Variants in SLC14A2 observed in about 807,000 individuals in gnomAD.
The protein encoded by SLC14A2 is urea transporter 2.
In SLC14A2, 91 loss-of-function variants were observed where a neutral mutation model predicts 104.6. The ratio of observed to expected loss-of-function variants is 0.87; its 90% CI spans 0.73 to 1.04. SLC14A2 has a LOEUF of 1.04. Ranked by LOEUF, SLC14A2 falls within the 50% of genes least tolerant of loss-of-function variation. SLC14A2 has a pLI of 0.00. For synonymous variants in SLC14A2, 476 were observed against 466.4 expected, an observed-to-expected ratio of 1.02 and a Z score of -0.27; for missense variants, 1,189 against 1,156.0, an observed-to-expected ratio of 1.03 and a Z score of -0.41.
At chr18:45,405,703 G>A (rs537609519) in intron 1 of SLC14A2, among the ~76,000 whole-genome samples, 1 of 152,142 alleles carries the variant, frequency 6.6e-6, no homozygotes, top group South Asian at 2.1e-4. Flanking sequence ...AGGAGTTTGA[G>A]ACCAGCCTCA....
chr18:45,618,384 T>A (rs943228480), intron 1 of SLC14A2, among the ~76,000 whole-genome samples: 23 of 152,052 alleles, frequency 1.5e-4, no homozygotes, highest in Non-Finnish European at 2.8e-4. Flanking sequence ...GAAGATGAAG[T>A]AAGGCCAGGC....
chr18:45,663,830 A>G lies in SLC14A2; in HGVS notation c.1397A>G (p.Glu466Gly). ...HPPTAGPKVE[E>G]GSEAVLSKHR... ...CCCACAGCAGGCCCAAAGGTGGAGG[A>G]GGGCTCGGAGGCTGTGCTCTCCAAG... The change falls in exon 11 of 20, where the codon GAG becomes GGG. Residue 466 changes from glutamate to glycine, a missense_variant. Physicochemically the swap from Glu to Gly is moderately conservative, Grantham distance 98 (BLOSUM62 -2). Transcript: ENST00000255226. 6.2e-7 allele frequency: 1 copy of G among 1,613,216 alleles called. No homozygotes were observed. The highest frequency in any genetic ancestry group is 8.5e-7 in the Non-Finnish European group (1 of 1,179,844).
At chr18:45,286,663 C>T (rs1449556737) in intron 1 of SLC14A2, among the ~76,000 whole-genome samples, 5 of 152,030 alleles carry the variant, frequency 3.3e-5, no homozygotes, top group African/African-American at 1.2e-4. Context: ...TTATAATTGA[C>T]ATTCACAGTT....
At chr18:45,427,067 A>G (rs2086444107) in intron 1 of SLC14A2, among the ~76,000 whole-genome samples, 2 of 152,066 alleles carry the variant, frequency 1.3e-5, no homozygotes. Context: ...GTTAACAGTG[A>G]CCCAGTCATT....
At chr18:45,178,675 A>G in the SLC14A2 span, among the ~76,000 whole-genome samples, 2 of 152,238 alleles carry the variant, frequency 1.3e-5, no homozygotes, top group African/African-American at 4.8e-5. Context: ...GTGCTAAAAC[A>G]TCACCATAAG....
At chr18:45,569,752 A>G (rs1197713257) in intron 2 of SLC14A2, among the ~76,000 whole-genome samples, 3 of 152,172 alleles carry the variant, frequency 2.0e-5, no homozygotes, top group African/African-American at 7.2e-5. Context: ...GTCCACACCG[A>G]TAACCACTCC....
Position 45,567,055 on chromosome 18 carries a change from A to AGTGTGTGTGTGT in SLC14A2, c.-34-57543_-34-57532dup, listed in dbSNP as rs3058364. ...TCTATAGCTGAGGACATGTGCACAT[A>AGTGTGTGTGTGT]GTGTGTGTGTGTGTGTGTGTGTGTG... is the stretch of plus-strand genomic sequence containing the variant. On this transcript the variant is annotated intron_variant, in intron 2 of 20. Transcript: ENST00000586448. Among the ~76,000 whole-genome samples, 1,303 of 139,868 alleles carry AGTGTGTGTGTGT rather than the reference A, an allele frequency of 9.3e-3. 22 individuals are homozygous for AGTGTGTGTGTGT. Among genetic ancestry groups the AGTGTGTGTGTGT allele is most frequent in the East Asian group, 0.058 (257 of 4,466 alleles). The allele number at this position is 139,868 out of a possible 152,430, so 91.8% of individuals were successfully genotyped here.
chr18:45,365,235 A>G (rs1231471132), intron 1 of SLC14A2, among the ~76,000 whole-genome samples: 1 of 152,214 alleles, frequency 6.6e-6, no homozygotes, highest in Non-Finnish European at 1.5e-5. Context: ...ATAGGTCCCA[A>G]TTCTGCCTTT....
At chr18:45,547,326 C>T (rs892220071) in intron 2 of SLC14A2, among the ~76,000 whole-genome samples, 3 of 152,194 alleles carry the variant, frequency 2.0e-5, no homozygotes, top group Non-Finnish European at 4.4e-5. Context: ...TCATTTAAAG[C>T]CTGACATTGT....
chr18:45,574,945 T>C (rs1162181675), intron 2 of SLC14A2, among the ~76,000 whole-genome samples: 1 of 152,162 alleles, frequency 6.6e-6, no homozygotes. Context: ...CTTCAAGTCC[T>C]GAAATGTACA....
chr18:45,405,275 A>T (rs1004734479), intron 1 of SLC14A2, among the ~76,000 whole-genome samples: 1 of 152,186 alleles, frequency 6.6e-6, no homozygotes, highest in Non-Finnish European at 1.5e-5. Context: ...CACAGGGAAA[A>T]GAACAGAGCA....
chr18:45,523,154 G>A (rs1173539708), intron 2 of SLC14A2, among the ~76,000 whole-genome samples: 1 of 150,792 alleles, frequency 6.6e-6, no homozygotes, highest in Non-Finnish European at 1.5e-5. Flanking sequence ...TTTGAGAAAA[G>A]GATTAAATAA....
chr18:45,568,398 G>C (rs1173413375), intron 2 of SLC14A2, among the ~76,000 whole-genome samples: 3 of 152,234 alleles, frequency 2.0e-5, no homozygotes, highest in African/African-American at 7.2e-5. Flanking sequence ...TGCCTTCAGG[G>C]GACGTGCTGT....
At chr18:45,501,499 G>C (rs574169841) in intron 2 of SLC14A2, among the ~76,000 whole-genome samples, 3 of 152,092 alleles carry the variant, frequency 2.0e-5, no homozygotes, top group Admixed American at 2.0e-4. Context: ...TAAATGCTTC[G>C]TCTCCCACCT....
At chr18:45,232,486 C>G (rs2084184369) in intron 1 of SLC14A2, among the ~76,000 whole-genome samples, 1 of 152,174 alleles carries the variant, frequency 6.6e-6, no homozygotes, top group South Asian at 2.1e-4. Flanking sequence ...CAGGAAGAAT[C>G]AACTAGGTGA....
intron 2 of SLC14A2, among the ~76,000 whole-genome samples, chr18:45,526,191 T>C (rs1437399027): frequency 6.6e-6 from 1 of 152,182 alleles, no homozygotes; most frequent in Non-Finnish European, 1.5e-5. Context: ...TGCACAACCA[T>C]TCTCTTCCCA....
intron 1 of SLC14A2, among the ~76,000 whole-genome samples, chr18:45,417,583 A>AG (rs1177231615): frequency 6.6e-6 from 1 of 152,214 alleles, no homozygotes; most frequent in Non-Finnish European, 1.5e-5. Context: ...TCAGGAGAAT[A>AG]GCAGCATGGG....
intron 1 of SLC14A2, among the ~76,000 whole-genome samples, chr18:45,315,264 G>A (rs937260645): frequency 1.3e-5 from 2 of 152,158 alleles, no homozygotes; most frequent in Non-Finnish European, 2.9e-5. Flanking sequence ...CACCAGAAAA[G>A]GCAGGGTGCA....
chr18:45,177,985 GTCT>G, the SLC14A2 span, among the ~76,000 whole-genome samples: 2 of 152,116 alleles, frequency 1.3e-5, no homozygotes, highest in Non-Finnish European at 2.9e-5. Context: ...TCAGAAAAAT[GTCT>G]TCTTCAGCCT....
Sources: allele counts gnomAD v4.1 joint callset (sites outside exome capture counted in the v4.1 genomes callset), GRCh38; gene constraint gnomAD v4.1.1; transcripts MANE v1.5; gene names NCBI Gene and HGNC (gene_info 2026-07-23, HGNC 2026-07-21).